The following DNM2 variants were observed in gnomAD, a reference collection of about 807,000 sequenced individuals.
DNM2 encodes the protein dynamin 2.
In DNM2, 15 loss-of-function variants were observed where a neutral mutation model predicts 99.0. The ratio of observed to expected loss-of-function variants is 0.15; its 90% CI spans 0.10 to 0.23. The LOEUF is 0.23. Ranked by LOEUF, DNM2 falls within the 10% of genes least tolerant of loss-of-function variation. DNM2 has a pLI of 1.00. For synonymous variants in DNM2, 525 were observed against 481.2 expected (o/e 1.09, Z -1.19); for missense variants, 742 against 1,189.4 (o/e 0.62, Z 5.53).
Position 10,737,396 on chromosome 19 carries a change from C to T in DNM2, c.161+18993C>T, listed in dbSNP as rs375590858. Among the ~76,000 whole-genome samples, 191 of 152,254 alleles carry T rather than the reference C, an allele frequency of 1.3e-3. 2 individuals are homozygous for T. Among genetic ancestry groups the T allele is most frequent in the African/African-American group, 4.4e-3 (183 of 41,550 alleles). ...TCTCCCCCTGGCCACTCTGCTCAAA[C>T]GCCCCACCCTGTTCTCTCTGTCCCC... On this transcript the variant is annotated intron_variant, in intron 1 of 20. Coordinates refer to ENST00000389253, the MANE Select transcript of DNM2 (RefSeq NM_001005361.3).
chr19:10,731,290 C>G (rs746672629), intron 1 of DNM2, among the ~76,000 whole-genome samples: 1 of 152,004 alleles, frequency 6.6e-6, no homozygotes, highest in East Asian at 1.9e-4. Context: ...ACCAGCTGGC[C>G]GCGCAGCCAG....
chr19:10,807,539 CTTTTTTTTTTTTT>C (rs763788862), intron 13 of DNM2, among the ~76,000 whole-genome samples: 6 of 91,212 alleles, frequency 6.6e-5, no homozygotes, highest in Non-Finnish European at 1.0e-4. Context: ...CACGTCCAGC[CTTTTTTTTTTTTT>C]TTTTTTTTTT....
Position 10,777,236 on chromosome 19 carries a change from G to A in DNM2, c.688+20G>A. The stretch of plus-strand genomic sequence containing the variant: ...GAAGAGGTGTGGCTTTGGGGGTGCT[G>A]GGGAAGCAGGAGGATGGGTGGGGTC... On this transcript the variant is annotated intron_variant, in intron 5 of 20. Transcript: ENST00000389253. 1.2e-6 allele frequency: 2 copies of A among 1,612,736 alleles called. No individual in the cohort carries two copies. Among genetic ancestry groups the A allele is most frequent in the Non-Finnish European group, 1.7e-6 (2 of 1,179,022 alleles).
intron 3 of DNM2, among the ~76,000 whole-genome samples, chr19:10,774,543 C>T (rs1430384764): frequency 6.6e-6 from 1 of 152,114 alleles, no homozygotes; most frequent in Non-Finnish European, 1.5e-5. Flanking sequence ...TCTCCTGCCT[C>T]AGCCCCCTGA....
At chr19:10,754,379 A>G (rs1476460616) in intron 1 of DNM2, among the ~76,000 whole-genome samples, 1 of 149,202 alleles carries the variant, frequency 6.7e-6, no homozygotes, top group East Asian at 2.0e-4. Flanking sequence ...CAGCCTCCTG[A>G]GTAGCTGGGA....
intron 16 of DNM2, among the ~76,000 whole-genome samples, chr19:10,821,186 T>G (rs2072957408): frequency 6.6e-6 from 1 of 152,128 alleles, no homozygotes; most frequent in Non-Finnish European, 1.5e-5. Context: ...GAGACCCATT[T>G]GTCCACCAGC....
At chr19:10,788,754 G>A (rs2071651547) in intron 7 of DNM2, among the ~76,000 whole-genome samples, 1 of 152,312 alleles carries the variant, frequency 6.6e-6, no homozygotes, top group South Asian at 2.1e-4. Flanking sequence ...CTTTTGGCCT[G>A]TAAGGGACCT....
chr19:10,814,927 G>A (rs1051187173), intron 15 of DNM2, among the ~76,000 whole-genome samples: 1 of 152,206 alleles, frequency 6.6e-6, no homozygotes, highest in African/African-American at 2.4e-5. Flanking sequence ...ATGCGGTCCA[G>A]GTTGGCTTTC....
intron 1 of DNM2, among the ~76,000 whole-genome samples, chr19:10,743,701 T>C (rs562502371): frequency 6.7e-6 from 1 of 150,046 alleles, no homozygotes; most frequent in East Asian, 2.0e-4. Context: ...TCCCAGCTAC[T>C]CAGGAGGCTG....
At position 10,829,217 on chromosome 19, in the gene DNM2, C is replaced by T; in HGVS notation, c.2240C>T (p.Pro747Leu). The T allele has an allele frequency of 1.2e-6, 2 of 1,613,974 alleles. No individual in the cohort carries two copies. Among genetic ancestry groups the T allele is most frequent in the Non-Finnish European group, 8.5e-7 (1 of 1,180,034 alleles). The change falls in exon 19 of 21, where the codon CCT (proline) becomes CTT (leucine). Residue 747 changes from proline to leucine, a missense_variant. This residue lies in a region of DNM2 where 187 missense variants were observed against 218.8 expected (regional missense o/e 0.85). Transcript: ENST00000389253. ...GDISTSTVST[P>L]VPPPVDDTWL... The stretch of plus-strand genomic sequence containing the variant: ...ATCAGCACCAGCACTGTGTCCACGC[C>T]TGTACCCCCGCCTGTCGATGACACC...
intron 1 of DNM2, among the ~76,000 whole-genome samples, chr19:10,723,198 G>A (rs893983623): frequency 5.4e-5 from 8 of 149,110 alleles, no homozygotes. Context: ...GCAATGGCAC[G>A]ATCTTGGCTC....
intron 1 of DNM2, among the ~76,000 whole-genome samples, chr19:10,754,593 C>T (rs2070320539): frequency 6.7e-6 from 1 of 150,218 alleles, no homozygotes; most frequent in Admixed American, 6.6e-5. Context: ...TTCTTGTCTT[C>T]TTCTTCTTCT....
Position 10,818,645 on chromosome 19 carries a change from G to A in DNM2, c.1672-1335G>A, listed in dbSNP as rs1319225764. Among the ~76,000 whole-genome samples, 2 of 152,182 alleles carry A rather than the reference G, an allele frequency of 1.3e-5. No individual in the cohort carries two copies. The highest frequency in any genetic ancestry group is 4.8e-5 in the African/African-American group (2 of 41,462). ...GGCCCCCACTTGCCAGGGAGCCCCC[G>A]CTGCCTTCTCCACAGTCACTGTGGC... On this transcript the variant is annotated intron_variant, in intron 15 of 20. Coordinates refer to ENST00000389253, the MANE Select transcript of DNM2 (RefSeq NM_001005361.3). This position sits in a 1 kb window ranked among gnomAD's most constrained non-coding sequence, Gnocchi z 4.3.
At chr19:10,807,666 A>G (rs1454930412) in intron 13 of DNM2, among the ~76,000 whole-genome samples, 1 of 142,324 alleles carries the variant, frequency 7.0e-6, no homozygotes, top group African/African-American at 2.7e-5. Context: ...CTCCTGCCTC[A>G]GCCTTCTGAG....
intron 1 of DNM2, among the ~76,000 whole-genome samples, chr19:10,737,397 G>A (rs906116884): frequency 4.6e-5 from 7 of 151,872 alleles, no homozygotes; most frequent in Non-Finnish European, 2.9e-5. Context: ...CTGCTCAAAC[G>A]CCCCACCCTG....
intron 1 of DNM2, among the ~76,000 whole-genome samples, chr19:10,737,231 T>C (rs976721696): frequency 6.6e-6 from 1 of 152,138 alleles, no homozygotes; most frequent in African/African-American, 2.4e-5. Flanking sequence ...GATGTTCTCA[T>C]GCAGGTGAGG....
In DNM2 at chr19:10,787,929, C is replaced by CAA. The variant is rs879391415; in HGVS notation, c.992+1232_992+1233dup. 3.6e-3 allele frequency among the ~76,000 whole-genome samples: 504 copies of CAA among 141,914 alleles called. 2 individuals are homozygous for CAA. Among genetic ancestry groups the CAA allele is most frequent in the African/African-American group, 0.013 (488 of 38,732 alleles). The allele number at this position is 141,914 out of a possible 152,430, so 93.1% of individuals were successfully genotyped here. A position where few individuals can be genotyped will look rare whatever the true frequency, so the allele number is the denominator to read the frequency against. On this transcript the variant is annotated intron_variant, in intron 7 of 20. Transcript: ENST00000389253. ...GGGTGATAGGGCAAGACTCCGTCTCCAAAAAAAAAAGATGAGTGTTGGCCA... is the reference window on the plus strand; with the variant it reads ...GGGTGATAGGGCAAGACTCCGTCTCCAAAAAAAAAAAAGATGAGTGTTGGCCA...
intron 2 of DNM2, among the ~76,000 whole-genome samples, chr19:10,766,171 C>G (rs750298978): frequency 6.6e-6 from 1 of 152,188 alleles, no homozygotes; most frequent in South Asian, 2.1e-4. Context: ...ACCCTGCTGT[C>G]TTTTCTGTTG....
At chr19:10,727,227 T>C (rs776519064) in intron 1 of DNM2, among the ~76,000 whole-genome samples, 14 of 152,188 alleles carry the variant, frequency 9.2e-5, no homozygotes, top group Non-Finnish European at 1.5e-4. Context: ...GAGTTACTTA[T>C]TGACGGATAA....
Sources: gnomAD v4.1 joint callset for allele counts (sites outside exome capture counted in the v4.1 genomes callset) on GRCh38, gnomAD v4.1.1 for gene constraint, gnomAD v4.1.1 regional missense constraint, Gnocchi (gnomAD v3.1) non-coding constraint, MANE v1.5 for transcripts, NCBI Gene and HGNC (gene_info 2026-07-23, HGNC 2026-07-21) for gene names.